The following PKIB variants were observed in gnomAD, a reference collection of about 807,000 sequenced individuals.
PKIB encodes PKI-beta.
Under a neutral mutation model 4.5 loss-of-function variants are expected in PKIB, and 2 were observed. The observed-to-expected ratio is 0.44, with a 90% CI of 0.18 to 1.39. PKIB has a LOEUF of 1.39. Among genes scored for constraint, PKIB ranks in the 40% most tolerant of loss-of-function variants. PKIB has a pLI of 0.27. For synonymous variants in PKIB, 38 were observed against 36.0 expected, an observed-to-expected ratio of 1.06 and a Z score of -0.20; for missense variants, 94 against 92.6, an observed-to-expected ratio of 1.02 and a Z score of -0.06.
intron 3 of PKIB, among the ~76,000 whole-genome samples, chr6:122,684,375 AG>A (rs1015224630): frequency 6.6e-6 from 1 of 152,156 alleles, no homozygotes; most frequent in Non-Finnish European, 1.5e-5. Context: ...AAAAATTGGG[AG>A]GAAAAAAACA....
intron 3 of PKIB, among the ~76,000 whole-genome samples, chr6:122,685,350 G>A (rs77597789): frequency 0.025 from 3,778 of 152,166 alleles, 151 homozygotes; most frequent in African/African-American, 0.086. Context: ...AAAAGAAAGA[G>A]AAGAATCTTA....
chr6:122,600,193 A>G (rs189713782), intron 3 of PKIB, among the ~76,000 whole-genome samples: 97 of 152,286 alleles, frequency 6.4e-4, no homozygotes, highest in East Asian at 5.2e-3. Context: ...AGCATCCAGC[A>G]TGGGAGAAAG....
At chr6:122,556,616 G>T (rs1011367306) in intron 2 of PKIB, among the ~76,000 whole-genome samples, 6 of 152,156 alleles carry the variant, frequency 3.9e-5, no homozygotes, top group Non-Finnish European at 8.8e-5. Flanking sequence ...GCGGGTGCCT[G>T]AAGTGTCAAA....
intron 3 of PKIB, among the ~76,000 whole-genome samples, chr6:122,597,533 C>G (rs1387897130): frequency 6.6e-6 from 1 of 152,182 alleles, no homozygotes; most frequent in Non-Finnish European, 1.5e-5. Flanking sequence ...CACTGTCATT[C>G]TCCAAGATCC....
intron 2 of PKIB, among the ~76,000 whole-genome samples, chr6:122,500,328 A>G (rs1051236789): frequency 2.0e-5 from 3 of 152,178 alleles, no homozygotes; most frequent in Non-Finnish European, 4.4e-5. Context: ...AGTATATACT[A>G]AATGCTCAGT....
intron 2 of PKIB, among the ~76,000 whole-genome samples, chr6:122,640,313 C>A (rs1776074665): frequency 6.6e-6 from 1 of 152,130 alleles, no homozygotes. Flanking sequence ...CTAAAATGTA[C>A]AGTGAGAAAT....
intron 2 of PKIB, among the ~76,000 whole-genome samples, chr6:122,670,157 C>T (rs1777397108): frequency 1.3e-5 from 2 of 152,050 alleles, no homozygotes; most frequent in Admixed American, 6.6e-5. Context: ...CCTTCTCTTT[C>T]AGTATGTAAC....
At chr6:122,659,474 A>G (rs1240401121) in intron 2 of PKIB, among the ~76,000 whole-genome samples, 1 of 152,160 alleles carries the variant, frequency 6.6e-6, no homozygotes, top group South Asian at 2.1e-4. Context: ...TGGTTCTTAT[A>G]TGATCTAGTT....
At chr6:122,572,184 T>TA (rs1226878879) in intron 2 of PKIB, among the ~76,000 whole-genome samples, 7 of 151,570 alleles carry the variant, frequency 4.6e-5, no homozygotes, top group African/African-American at 7.3e-5. Context: ...AACAATACAA[T>TA]AAAAAAAGAC....
At chr6:122,600,011 ATATCTATATC>A (rs1774311817) in intron 3 of PKIB, among the ~76,000 whole-genome samples, 1 of 151,774 alleles carries the variant, frequency 6.6e-6, no homozygotes, top group Non-Finnish European at 1.5e-5. Flanking sequence ...ATCTATATCT[ATATCTATATC>A]TATATCTATA....
chr6:122,689,189 A>G (rs1778226043), intron 3 of PKIB, among the ~76,000 whole-genome samples: 1 of 151,828 alleles, frequency 6.6e-6, no homozygotes, highest in African/African-American at 2.4e-5. Context: ...AGGTTTGTCA[A>G]TTTTGGTTAT....
intron 3 of PKIB, among the ~76,000 whole-genome samples, chr6:122,715,054 G>A (rs918123320): frequency 5.3e-5 from 8 of 150,958 alleles, no homozygotes; most frequent in African/African-American, 1.2e-4. Context: ...CAAAGTGCTG[G>A]GATTACAGGC....
At chr6:122,512,092 C>T (rs1300663661) in intron 2 of PKIB, among the ~76,000 whole-genome samples, 1 of 152,172 alleles carries the variant, frequency 6.6e-6, no homozygotes, top group Non-Finnish European at 1.5e-5. Context: ...TTTTTCCCAA[C>T]AATGTCCTAA....
intron 2 of PKIB, among the ~76,000 whole-genome samples, chr6:122,533,000 A>G (rs1435390340): frequency 6.6e-6 from 1 of 152,072 alleles, no homozygotes; most frequent in Non-Finnish European, 1.5e-5. Context: ...GGAAATATCT[A>G]TTCAAGTCCT....
At chr6:122,543,447 T>TC (rs1209263683) in intron 2 of PKIB, among the ~76,000 whole-genome samples, 17 of 150,638 alleles carry the variant, frequency 1.1e-4, no homozygotes, top group African/African-American at 4.2e-4. Flanking sequence ...TGGCATGATC[T>TC]CAGCTCACTG....
chr6:122,491,885 C>T (rs374449425), intron 2 of PKIB, among the ~76,000 whole-genome samples: 6 of 152,074 alleles, frequency 3.9e-5, no homozygotes, highest in Non-Finnish European at 5.9e-5. Context: ...TAAAGCTACT[C>T]GGTAAAAATA....
chr6:122,661,111 A>C (rs192594284), intron 2 of PKIB, among the ~76,000 whole-genome samples: 21 of 152,300 alleles, frequency 1.4e-4, no homozygotes, highest in African/African-American at 5.1e-4. Flanking sequence ...TATATGGATA[A>C]AGATGATTGG....
intron 2 of PKIB, among the ~76,000 whole-genome samples, chr6:122,533,714 A>T (rs919564010): frequency 6.6e-6 from 1 of 151,986 alleles, no homozygotes; most frequent in Non-Finnish European, 1.5e-5. Context: ...ACAATTTACA[A>T]CTCTAAAGCT....
At chr6:122,513,778 C>G (rs1776659647) in intron 2 of PKIB, among the ~76,000 whole-genome samples, 1 of 152,148 alleles carries the variant, frequency 6.6e-6, no homozygotes, top group Non-Finnish European at 1.5e-5. Flanking sequence ...TGGCCTCCAG[C>G]TGTATCTATG....
Sources: allele counts gnomAD v4.1 joint callset (sites outside exome capture counted in the v4.1 genomes callset), GRCh38; gene constraint gnomAD v4.1.1; transcripts MANE v1.5; gene names NCBI Gene and HGNC (gene_info 2026-07-23, HGNC 2026-07-21).